LRRK1: variants seen among roughly 807,000 people sequenced by gnomAD.
LRRK1 encodes leucine rich repeat kinase 1, also known as leucine-rich repeat serine/threonine-protein kinase 1.
In LRRK1, 113 loss-of-function variants were observed where a neutral mutation model predicts 209.1. That is an observed-to-expected ratio of 0.54 (90% CI 0.46 to 0.63). The LOEUF is 0.63. Ranked by LOEUF, LRRK1 falls within the 30% of genes least tolerant of loss-of-function variation. LRRK1 has a pLI of 0.00. For missense variants in LRRK1, 2,284 were observed against 2,632.2 expected, an observed-to-expected ratio of 0.87 and a Z score of 2.89; for synonymous variants, 1,144 against 1,099.7, an observed-to-expected ratio of 1.04 and a Z score of -0.80.
chr15:101,055,374 T>C (rs2035738968), intron 27 of LRRK1, 151 bp downstream of exon 27: 1 of 749,422 alleles, frequency 1.3e-6, no homozygotes, highest in Admixed American at 3.7e-5. Context: ...AGGGAGGTTC[T>C]GGCTTGAACC....
intron 31 of LRRK1, among the ~76,000 whole-genome samples, chr15:101,063,909 C>T (rs771136501): frequency 3.3e-5 from 5 of 152,308 alleles, no homozygotes; most frequent in East Asian, 1.9e-4. Flanking sequence ...CGTACCAGAG[C>T]GCAGGAGAAC....
intron 2 of LRRK1, among the ~76,000 whole-genome samples, chr15:100,959,436 A>T (rs895283009): frequency 6.6e-6 from 1 of 152,176 alleles, no homozygotes; most frequent in African/African-American, 2.4e-5. Context: ...GCCCGCTGGG[A>T]AATTCTGCAA....
intron 31 of LRRK1, among the ~76,000 whole-genome samples, chr15:101,064,257 CG>C (rs2036387510): frequency 1.3e-5 from 2 of 152,218 alleles, no homozygotes; most frequent in Non-Finnish European, 1.5e-5. Context: ...CAGTGAGCTA[CG>C]GGTCTCCACT....
chr15:100,962,658 G>C (rs1482710288), intron 2 of LRRK1, among the ~76,000 whole-genome samples: 1 of 150,698 alleles, frequency 6.6e-6, no homozygotes, highest in Non-Finnish European at 1.5e-5. Flanking sequence ...GGAGAAAAGA[G>C]TGTCAGGTTC....
At chr15:101,006,385 A>AG (rs1448719079) in intron 6 of LRRK1, among the ~76,000 whole-genome samples, 3 of 147,652 alleles carry the variant, frequency 2.0e-5, no homozygotes, top group Non-Finnish European at 4.4e-5. Flanking sequence ...AAAAAAAAAA[A>AG]AAAAAAAGAA....
intron 1 of LRRK1, among the ~76,000 whole-genome samples, chr15:100,921,671 C>G (rs1292151164): frequency 6.6e-6 from 1 of 152,214 alleles, no homozygotes; most frequent in African/African-American, 2.4e-5. Flanking sequence ...ATGAAGTTCC[C>G]TCTTCATAGA....
rs1026190245 is a variant in LRRK1, at chr15:101,021,169, C to A, written c.1726C>A (p.Leu576Ile). 1 of 1,614,012 alleles carries A rather than the reference C, an allele frequency of 6.2e-7. No homozygotes were observed. The highest frequency in any genetic ancestry group is 2.2e-5 in the East Asian group (1 of 44,888). Reference sequence around the variant, plus strand: ...TTGCCTACTGAAGAGCTTATCAGAGCTCTACTTGGGAAAGTAAGTACACAT... The same window carrying A: ...TTGCCTACTGAAGAGCTTATCAGAGATCTACTTGGGAAAGTAAGTACACAT... ...SVCLLKSLSE[L>I]YLGNNPGLRE... Residue 576 changes from leucine (L) to isoleucine (I), a missense_variant, in exon 13 of 34, where the codon CTC becomes ATC. Leu to Ile is a conservative substitution (Grantham distance 5). Around this residue, in one of 6 missense-constraint regions of LRRK1, gnomAD observed 494 missense variants for 522.1 expected, o/e 0.95. Transcript: ENST00000388948.
At chr15:100,975,639 G>T (rs960324856) in intron 3 of LRRK1, among the ~76,000 whole-genome samples, 2 of 152,182 alleles carry the variant, frequency 1.3e-5, no homozygotes, top group African/African-American at 4.8e-5. Context: ...TCATAAAAAT[G>T]TAAAATTATA....
chr15:101,056,781 C>G (rs1015140645), intron 27 of LRRK1, 75 bp from the exon 28 acceptor site: 4 of 1,178,052 alleles, frequency 3.4e-6, no homozygotes, highest in Non-Finnish European at 4.8e-6. Flanking sequence ...TCTCCCTGGT[C>G]CCTCCACCTG....
chr15:100,966,308 G>A (rs943881038), intron 2 of LRRK1, among the ~76,000 whole-genome samples: 4 of 152,126 alleles, frequency 2.6e-5, no homozygotes, highest in African/African-American at 4.8e-5. Flanking sequence ...TTTCTGTGGC[G>A]GTGAGGAGGG....
intron 2 of LRRK1, among the ~76,000 whole-genome samples, chr15:100,945,413 C>G (rs1230092490): frequency 6.6e-6 from 1 of 150,766 alleles, no homozygotes; most frequent in Non-Finnish European, 1.5e-5. Flanking sequence ...ATGAGTGTGA[C>G]CAAGCATGTT....
chr15:101,052,056 G>A lies in LRRK1; in HGVS notation c.3689+96G>A, dbSNP rs1418879596. The A allele has an allele frequency of 2.8e-6, 4 of 1,440,782 alleles. No individual in the cohort carries two copies. In the African/African-American group the frequency reaches 5.7e-5, roughly 20 times the overall value. The allele number at this position is 1,440,782 out of a possible 1,614,324, so 89.2% of individuals were successfully genotyped here. The stretch of plus-strand genomic sequence containing the variant: ...AGTGATCTCCAGGAAGACCCCTCTG[G>A]GGCGGGCAGGTGCCCCGGCCATGGC... On this transcript the variant is annotated intron_variant, in intron 24 of 33. Transcript: ENST00000388948.
At chr15:100,961,722 G>T (rs1332562602) in intron 2 of LRRK1, among the ~76,000 whole-genome samples, 2 of 152,056 alleles carry the variant, frequency 1.3e-5, no homozygotes, top group African/African-American at 4.8e-5. Flanking sequence ...TTGATGGCAG[G>T]TGCTGGGGGT....
intron 20 of LRRK1, among the ~76,000 whole-genome samples, chr15:101,038,015 A>G (rs965809624): frequency 1.3e-5 from 2 of 152,256 alleles, no homozygotes; most frequent in African/African-American, 4.8e-5. Context: ...TGTGGTATAT[A>G]TACACCATAG....
chr15:101,003,551 A>G (rs1402878556), intron 6 of LRRK1, among the ~76,000 whole-genome samples: 2 of 152,230 alleles, frequency 1.3e-5, no homozygotes, highest in African/African-American at 4.8e-5. Context: ...AAGGTGAAAG[A>G]CACGTCTTAC....
In LRRK1 at chr15:101,048,676, C is replaced by T. The variant is rs2141126393; in HGVS notation, c.3299+19C>T. The T allele has an allele frequency of 6.7e-7, 1 of 1,486,382 alleles. No individual in the cohort carries two copies. 92.1% of individuals were successfully genotyped at this position (1,486,382 alleles called of 1,614,324 possible). On this transcript the variant is annotated intron_variant, in intron 22 of 33. Transcript: ENST00000388948. Reference sequence around the variant, plus strand: ...ACCTCAGGTAGGAACACCTGGAAGCCCACCTGCCAGGTCAGCAGGTGCCAC... The same window carrying T: ...ACCTCAGGTAGGAACACCTGGAAGCTCACCTGCCAGGTCAGCAGGTGCCAC...
At chr15:101,054,839 A>G (rs928781758) in intron 26 of LRRK1, 107 bp from the exon 27 acceptor site, 1 of 998,512 alleles carries the variant, frequency 1.0e-6, no homozygotes, top group Non-Finnish European at 1.5e-6. Context: ...AAAAAATCAT[A>G]AAGTATCTAG....
chr15:101,065,408 G>T lies in LRRK1; in HGVS notation c.4971G>T (p.Val1657=), dbSNP rs2036472917. The T allele has an allele frequency of 6.2e-7, 1 of 1,614,098 alleles. No homozygotes were observed. The highest frequency in any genetic ancestry group is 1.7e-5 in the Admixed American group (1 of 60,026). The change falls in exon 32 of 34, where the codon GTG becomes GTT. Residue 1657 remains valine (V), a synonymous_variant. Coordinates refer to ENST00000388948, the MANE Select transcript of LRRK1 (RefSeq NM_024652.6). ...LADGLVAVFP[V]VRGTPKDSCS... ...ATGGGCTTGTGGCTGTGTTTCCCGT[G>T]GTGCGGGGCACCCCAAAGGACAGCT...
chr15:100,998,206 C>A (rs1395597255), intron 6 of LRRK1, among the ~76,000 whole-genome samples: 2 of 151,512 alleles, frequency 1.3e-5, no homozygotes, highest in Admixed American at 6.6e-5. Flanking sequence ...AGAAAGGAAG[C>A]CAAAATATCT....
Sources: allele counts gnomAD v4.1 joint callset (sites outside exome capture counted in the v4.1 genomes callset), GRCh38; gene constraint gnomAD v4.1.1; regional missense constraint gnomAD v4.1.1; transcripts MANE v1.5; gene names NCBI Gene and HGNC (gene_info 2026-07-23, HGNC 2026-07-21).